Variants in INPP4B observed in about 807,000 individuals in gnomAD.
INPP4B encodes inositol polyphosphate-4-phosphatase type II B.
Under a neutral mutation model 122.5 loss-of-function variants are expected in INPP4B, and 55 were observed. The observed-to-expected ratio is 0.45, with a 90% confidence interval of 0.36 to 0.56. The LOEUF (loss-of-function observed/expected upper bound fraction) is 0.56, where lower values mean the gene tolerates loss of function less well. Ranked by LOEUF, INPP4B falls within the 20% of genes least tolerant of loss-of-function variation. INPP4B has a pLI of 0.00. For synonymous variants in INPP4B, 403 were observed against 388.7 expected (o/e 1.04, Z -0.43); for missense variants, 1,000 against 1,097.7 (o/e 0.91, Z 1.26).
chr4:142,791,831 A>G (rs1019902007), intron 1 of INPP4B, among the ~76,000 whole-genome samples: 1 of 151,870 alleles, frequency 6.6e-6, no homozygotes, highest in Non-Finnish European at 1.5e-5. Context: ...TGCTATCTAA[A>G]CTTGCCACTG....
At chr4:142,829,266 C>T (rs1001246198) in intron 1 of INPP4B, among the ~76,000 whole-genome samples, 1 of 152,010 alleles carries the variant, frequency 6.6e-6, no homozygotes, top group African/African-American at 2.4e-5. Context: ...GAAAGCTGAC[C>T]TGTAGGAATC....
At chr4:142,689,298 G>C (rs1301884009) in intron 2 of INPP4B, among the ~76,000 whole-genome samples, 1 of 152,190 alleles carries the variant, frequency 6.6e-6, no homozygotes, top group Non-Finnish European at 1.5e-5. Context: ...TTACATCCCT[G>C]TTGCACCTTG....
chr4:142,717,809 C>T (rs2150823588), intron 2 of INPP4B, among the ~76,000 whole-genome samples: 1 of 150,046 alleles, frequency 6.7e-6, no homozygotes, highest in South Asian at 2.1e-4. Context: ...TTAATGGGTG[C>T]AGCACACCAA....
In INPP4B at chr4:142,366,456, G is replaced by T. The variant is rs369328025; in HGVS notation, c.372+36482C>A. ...GGCAGCTATTTCTAAATTAAAAGAC[G>T]CATTGAGTTTTAGCATAAGAATAAC... On this transcript the variant is annotated intron_variant, in intron 7 of 25. Coordinates refer to ENST00000262992, the MANE Select transcript of INPP4B (RefSeq NM_001101669.3). Among the ~76,000 whole-genome samples the T allele has an allele frequency of 6.9e-4, 105 of 152,026 alleles. 1 individual carries two copies. In the South Asian group the frequency reaches 0.021, roughly 31 times the overall value.
At chr4:142,235,461 G>A (rs1050289218) in intron 12 of INPP4B, among the ~76,000 whole-genome samples, 3 of 151,752 alleles carry the variant, frequency 2.0e-5, no homozygotes, top group Admixed American at 6.6e-5. Flanking sequence ...TCGCTCTGTC[G>A]CCGAGGCTGG....
chr4:142,155,142 G>T (rs1210624051), intron 17 of INPP4B, among the ~76,000 whole-genome samples: 2 of 151,928 alleles, frequency 1.3e-5, no homozygotes, highest in Non-Finnish European at 2.9e-5. Context: ...ATAAGGTGTT[G>T]CTTTGAAAAA....
chr4:142,740,835 A>G (rs572516474), intron 1 of INPP4B, among the ~76,000 whole-genome samples: 17 of 152,196 alleles, frequency 1.1e-4, no homozygotes, highest in African/African-American at 3.1e-4. Flanking sequence ...TCTACAGTTT[A>G]TAAGTCCTAA....
At chr4:142,457,213 A>C (rs920801315) in intron 3 of INPP4B, among the ~76,000 whole-genome samples, 12 of 152,082 alleles carry the variant, frequency 7.9e-5, no homozygotes, top group African/African-American at 2.7e-4. Context: ...AATTCTATAG[A>C]CCTTGGTAAA....
chr4:142,136,972 C>T (rs1434982226), intron 18 of INPP4B, among the ~76,000 whole-genome samples: 4 of 152,182 alleles, frequency 2.6e-5, no homozygotes, highest in East Asian at 1.9e-4. Flanking sequence ...AGGTAATTTA[C>T]AGATTCAATG....
At chr4:142,254,668 G>T (rs2150269889) in intron 11 of INPP4B, among the ~76,000 whole-genome samples, 1 of 152,226 alleles carries the variant, frequency 6.6e-6, no homozygotes, top group East Asian at 1.9e-4. Context: ...AGAATAAAAA[G>T]AAATGAACAA....
chr4:142,594,410 T>C lies in INPP4B; in HGVS notation c.-191+131429A>G, dbSNP rs571572008. On this transcript the variant is annotated intron_variant, in intron 2 of 25. Coordinates refer to ENST00000262992, the MANE Select transcript of INPP4B (RefSeq NM_001101669.3). ...ATAATAGCTAATATTTTTCAAGTGT[T>C]TATTAACTCATTTGTTTCTTACAAA... Among the ~76,000 whole-genome samples, 109 of 152,192 alleles carry C rather than the reference T, an allele frequency of 7.2e-4. 1 individual carries two copies. Among genetic ancestry groups the C allele is most frequent in the Non-Finnish European group, 1.1e-3 (76 of 68,034 alleles).
chr4:142,555,473 TA>T (rs1376879229), intron 2 of INPP4B, among the ~76,000 whole-genome samples: 1 of 152,192 alleles, frequency 6.6e-6, no homozygotes, highest in Non-Finnish European at 1.5e-5. Flanking sequence ...ATGTATTTAT[TA>T]GACACTGAAT....
At chr4:142,504,452 C>T (rs1823755228) in intron 2 of INPP4B, among the ~76,000 whole-genome samples, 1 of 152,108 alleles carries the variant, frequency 6.6e-6, no homozygotes, top group African/African-American at 2.4e-5. Context: ...CTAGCAACAT[C>T]TGTTAGAATT....
At chr4:142,819,257 A>G (rs904717475) in intron 1 of INPP4B, among the ~76,000 whole-genome samples, 1 of 152,172 alleles carries the variant, frequency 6.6e-6, no homozygotes, top group African/African-American at 2.4e-5. Flanking sequence ...AAAGCCCTAA[A>G]GGGCTACATC....
chr4:142,044,556 T>C (rs1317958885), intron 25 of INPP4B, among the ~76,000 whole-genome samples: 1 of 151,722 alleles, frequency 6.6e-6, no homozygotes, highest in African/African-American at 2.4e-5. Flanking sequence ...AATGAAGAAA[T>C]GGAAGGCAGC....
chr4:142,157,728 A>C (rs948942692), intron 17 of INPP4B, among the ~76,000 whole-genome samples: 7 of 152,150 alleles, frequency 4.6e-5, no homozygotes, highest in Admixed American at 3.9e-4. Context: ...TGCTAAACAA[A>C]CAACCATGCC....
intron 21 of INPP4B, among the ~76,000 whole-genome samples, chr4:142,113,140 T>C (rs988900501): frequency 6.6e-6 from 1 of 152,094 alleles, no homozygotes; most frequent in Non-Finnish European, 1.5e-5. Flanking sequence ...CTGTTTATGA[T>C]GCGCTGATGG....
In INPP4B at chr4:142,476,603, G is replaced by A. The variant is rs1015932086; in HGVS notation, c.-190-13877C>T. Among the ~76,000 whole-genome samples the A allele has an allele frequency of 6.6e-5, 10 of 152,240 alleles. No homozygotes were observed. The East Asian group carries it at 7.7e-4, about 12-fold the overall frequency. ...ATGCAGTGACACCCATAAGCTCAAA[G>A]AAAAGGGATGGAGAAATATCTACCA... On this transcript the variant is annotated intron_variant, in intron 2 of 25. Transcript: ENST00000262992.
chr4:142,635,702 A>C (rs1748995510), intron 2 of INPP4B, among the ~76,000 whole-genome samples: 1 of 152,044 alleles, frequency 6.6e-6, no homozygotes, highest in Admixed American at 6.6e-5. Context: ...ACTTGGGTCT[A>C]CTTGAGGGTG....
Sources: gnomAD v4.1 joint callset for allele counts (sites outside exome capture counted in the v4.1 genomes callset) on GRCh38, gnomAD v4.1.1 for gene constraint, MANE v1.5 for transcripts, NCBI Gene and HGNC (gene_info 2026-07-23, HGNC 2026-07-21) for gene names.